The following SENP7 variants were observed in gnomAD, a reference collection of about 807,000 sequenced individuals.
The protein encoded by SENP7 is sentrin-specific protease 7.
A neutral mutation model predicts 141.2 loss-of-function variants in SENP7; 64 were observed. That is an observed-to-expected ratio of 0.45 (90% CI 0.37 to 0.56). The LOEUF (loss-of-function observed/expected upper bound fraction) is 0.56. SENP7 is among the 20% of genes least tolerant of loss of function. The pLI is 0.00. For synonymous variants in SENP7, 382 were observed against 426.4 expected (o/e 0.90, Z 1.28); for missense variants, 1,025 against 1,212.2 (o/e 0.85, Z 2.29).
intron 7 of SENP7, among the ~76,000 whole-genome samples, chr3:101,369,788 A>G (rs532332488): frequency 4.0e-4 from 61 of 152,320 alleles, no homozygotes; most frequent in African/African-American, 1.3e-3. Flanking sequence ...GGAAAAAGGA[A>G]TAACTTTATT....
chr3:101,470,714 C>T (rs1453314521), intron 3 of SENP7, among the ~76,000 whole-genome samples: 1 of 152,090 alleles, frequency 6.6e-6, no homozygotes, highest in Non-Finnish European at 1.5e-5. Flanking sequence ...TCAAATTGTC[C>T]CTGTTTGCAG....
chr3:101,343,586 C>A, intron 14 of SENP7, 100 bp downstream of exon 14: 1 of 1,295,258 alleles, frequency 7.7e-7, no homozygotes, highest in Non-Finnish European at 1.1e-6. Flanking sequence ...TTCCTATGCC[C>A]TTTTCACAAA....
intron 3 of SENP7, among the ~76,000 whole-genome samples, chr3:101,489,333 G>T (rs952111736): frequency 2.0e-5 from 3 of 152,082 alleles, no homozygotes; most frequent in Admixed American, 1.3e-4. Flanking sequence ...AGTATAAATG[G>T]CTAAACGTCC....
At chr3:101,367,017 T>C (rs2060055179) in intron 8 of SENP7, among the ~76,000 whole-genome samples, 2 of 152,190 alleles carry the variant, frequency 1.3e-5, no homozygotes, top group Non-Finnish European at 2.9e-5. Flanking sequence ...TCATTACAAA[T>C]GCTTTGTCAG....
At chr3:101,498,150 C>A (rs1025294430) in intron 2 of SENP7, among the ~76,000 whole-genome samples, 4 of 152,068 alleles carry the variant, frequency 2.6e-5, no homozygotes, top group Non-Finnish European at 5.9e-5. Context: ...AAAGAGAAAA[C>A]CACCAAAATA....
At chr3:101,352,522 A>G (rs1277100083) in intron 11 of SENP7, among the ~76,000 whole-genome samples, 1 of 151,988 alleles carries the variant, frequency 6.6e-6, no homozygotes, top group African/African-American at 2.4e-5. Flanking sequence ...CCTTTTGTAT[A>G]TATCTGACTT....
At chr3:101,367,809 T>A (rs1349735058) in intron 8 of SENP7, 21 bp downstream of exon 8, 1 of 1,416,474 alleles carries the variant, frequency 7.1e-7, no homozygotes, top group Admixed American at 2.2e-5. Context: ...TTTCCTATAA[T>A]ATCTAAATAC....
chr3:101,359,277 C>G (rs978144019), intron 11 of SENP7: 2 of 151,838 alleles, frequency 1.3e-5, no homozygotes, highest in African/African-American at 2.4e-5. Context: ...GCCATTAATG[C>G]TAGTGATTTT....
rs9814425 is a variant in SENP7 at position 101,506,900 on chromosome 3, T to G, written c.41-5781A>C. Among the ~76,000 whole-genome samples, 1,127 of 152,012 alleles carry G rather than the reference T, an allele frequency of 7.4e-3. 2 individuals carry two copies. Among genetic ancestry groups the G allele is most frequent in the Non-Finnish European group, 0.013 (912 of 67,950 alleles). On this transcript the variant is annotated intron_variant, in intron 1 of 23. Coordinates refer to ENST00000394095, the MANE Select transcript of SENP7 (RefSeq NM_020654.5). The stretch of plus-strand genomic sequence containing the variant: ...AGACACCATCTCTAGAAAAACTAAG[T>G]TTTTTTAAAAAATAGCCAGGCATGA...
Position 101,343,835 on chromosome 3 carries a change from A to G in SENP7, c.1957T>C (p.Tyr653His). The G allele has an allele frequency of 6.2e-7, 1 of 1,613,936 alleles. No homozygotes were observed. Among genetic ancestry groups the G allele is most frequent in the Non-Finnish European group, 8.5e-7 (1 of 1,179,898 alleles). Residue 653 changes from tyrosine (Y) to histidine (H), a missense_variant, in exon 14 of 24, where the codon TAC (tyrosine) becomes CAC (histidine). This residue lies in a region of SENP7 where 228 missense variants were observed against 228.5 expected (regional missense o/e 1.00). Transcript: ENST00000394095. ...AATGCCTGAACCCAAGACAACGGGT[A>G]AGAAAGCTCTAATTCTCCACTGATT... ...SIISGELELS[Y>H]PLSWVQAFPL...
chr3:101,329,534 T>A (rs1257128319), intron 20 of SENP7, among the ~76,000 whole-genome samples: 3 of 152,074 alleles, frequency 2.0e-5, no homozygotes, highest in African/African-American at 7.2e-5. Context: ...ACACTGAATC[T>A]AGGCTATGCA....
At chr3:101,423,724 A>T (rs2061858451) in intron 4 of SENP7, among the ~76,000 whole-genome samples, 1 of 152,152 alleles carries the variant, frequency 6.6e-6, no homozygotes. Flanking sequence ...CTGAAGAGGG[A>T]GGAAGGTGGG....
At chr3:101,452,438 G>A (rs1397790007) in intron 4 of SENP7, among the ~76,000 whole-genome samples, 2 of 152,236 alleles carry the variant, frequency 1.3e-5, no homozygotes, top group South Asian at 2.1e-4. Context: ...CAAAGCTGGA[G>A]GCATCATGCT....
chr3:101,435,384 G>C (rs537514795), intron 4 of SENP7, among the ~76,000 whole-genome samples: 1 of 152,158 alleles, frequency 6.6e-6, no homozygotes, highest in South Asian at 2.1e-4. Context: ...ACACAACAAG[G>C]ATGTCTACTG....
Position 101,341,780 on chromosome 3 carries a change from C to T in SENP7, c.2107-1G>A. The T allele has an allele frequency of 6.3e-7, 1 of 1,586,974 alleles. No homozygotes were observed. Among genetic ancestry groups the T allele is most frequent in the Non-Finnish European group, 8.6e-7 (1 of 1,160,016 alleles). Reference sequence around the variant, plus strand: ...GCTTGGCCGCATCTGTGTTTGAGGGCTGACAGAAAGTGGCAAGAAAAAGGG... The same window carrying T: ...GCTTGGCCGCATCTGTGTTTGAGGGTTGACAGAAAGTGGCAAGAAAAAGGG... On this transcript the variant is annotated splice_acceptor_variant, in intron 14 of 23. Coordinates refer to ENST00000394095, the MANE Select transcript of SENP7 (RefSeq NM_020654.5). LOFTEE classifies it high-confidence loss of function.
chr3:101,414,276 GGA>G (rs2061542099), intron 5 of SENP7: 5 of 699,080 alleles, frequency 7.2e-6, no homozygotes, highest in South Asian at 3.3e-5. Flanking sequence ...TGAAGAGTCT[GGA>G]GAGAGAGAAC....
At chr3:101,331,474 A>AG in intron 19 of SENP7, among the ~76,000 whole-genome samples, 1 of 151,666 alleles carries the variant, frequency 6.6e-6, no homozygotes, top group Admixed American at 6.6e-5. Context: ...GTCTCTTAAA[A>AG]AAAAAAAAAA....
At chr3:101,416,055 G>A (rs964784286) in intron 5 of SENP7, among the ~76,000 whole-genome samples, 1 of 152,108 alleles carries the variant, frequency 6.6e-6, no homozygotes, top group African/African-American at 2.4e-5. Context: ...CAATCACTCA[G>A]ATAGAGGGGA....
intron 3 of SENP7, among the ~76,000 whole-genome samples, chr3:101,460,813 C>G (rs2063520868): frequency 6.6e-6 from 1 of 151,948 alleles, no homozygotes; most frequent in African/African-American, 2.4e-5. Context: ...GTATAGTATC[C>G]AGGTCAACCA....
Sources: allele counts gnomAD v4.1 joint callset (sites outside exome capture counted in the v4.1 genomes callset), GRCh38; gene constraint gnomAD v4.1.1; regional missense constraint gnomAD v4.1.1; transcripts MANE v1.5; gene names NCBI Gene and HGNC (gene_info 2026-07-23, HGNC 2026-07-21).